Variants in EVI5 observed in about 807,000 individuals in gnomAD.
EVI5 encodes the protein ecotropic viral integration site 5 protein homolog.
In EVI5, 73 loss-of-function variants were observed where a neutral mutation model predicts 112.0. That is an observed-to-expected ratio of 0.65 (90% CI 0.54 to 0.79). The LOEUF (loss-of-function observed/expected upper bound fraction) is 0.79. Among genes scored for constraint, EVI5 ranks in the 30% least tolerant of loss-of-function variants. EVI5 has a pLI of 0.00. For missense variants in EVI5, 900 were observed against 968.8 expected (o/e 0.93, Z 0.94); for synonymous variants, 305 against 319.9 (o/e 0.95, Z 0.50).
At chr1:92,646,431 A>C (rs1660976928) in intron 13 of EVI5, among the ~76,000 whole-genome samples, 1 of 152,198 alleles carries the variant, frequency 6.6e-6, no homozygotes, top group Non-Finnish European at 1.5e-5. Flanking sequence ...GTCCACAGCT[A>C]AGAATGGTAG....
chr1:92,658,492 A>C (rs1364784236), intron 13 of EVI5, among the ~76,000 whole-genome samples: 4 of 152,194 alleles, frequency 2.6e-5, no homozygotes, highest in Non-Finnish European at 5.9e-5. Context: ...AGCTACAAAA[A>C]AATTTAAATA....
rs539670738 is a variant in EVI5, at chr1:92,670,574, G to C, written c.1159-4582C>G. On this transcript the variant is annotated intron_variant, in intron 10 of 19. Coordinates refer to ENST00000684568, the MANE Select transcript of EVI5 (RefSeq NM_001350197.2). ...CTGACAATTTTGAGTCTGTACCTAT[G>C]CCAGTAAATATGACTGAACAAAAAC... Among the ~76,000 whole-genome samples the C allele has an allele frequency of 1.3e-3, 201 of 152,216 alleles. 1 individual carries two copies. Among genetic ancestry groups the C allele is most frequent in the African/African-American group, 4.5e-3 (188 of 41,524 alleles).
intron 16 of EVI5, among the ~76,000 whole-genome samples, chr1:92,623,221 G>A (rs548891112): frequency 6.6e-6 from 1 of 151,940 alleles, no homozygotes; most frequent in Non-Finnish European, 1.5e-5. Context: ...ATAACGTGTG[G>A]AAAGTATTTT....
chr1:92,758,172 T>C (rs556389303), intron 1 of EVI5, among the ~76,000 whole-genome samples: 9 of 152,330 alleles, frequency 5.9e-5, no homozygotes, highest in Middle Eastern at 3.4e-3. Flanking sequence ...AGTGAGAATG[T>C]AGCAAGTGAA....
At chr1:92,779,201 A>C (rs1270639024) in intron 1 of EVI5, among the ~76,000 whole-genome samples, 1 of 152,154 alleles carries the variant, frequency 6.6e-6, no homozygotes, top group Non-Finnish European at 1.5e-5. Flanking sequence ...ATAGGAAAAA[A>C]AGTAACTTGG....
intron 2 of EVI5, among the ~76,000 whole-genome samples, chr1:92,730,107 G>A (rs1457874891): frequency 1.3e-5 from 2 of 152,112 alleles, no homozygotes; most frequent in African/African-American, 4.8e-5. Flanking sequence ...AGCTAATGCC[G>A]GTAATGCCAG....
At chr1:92,680,911 A>C (rs1287884747) in intron 9 of EVI5, among the ~76,000 whole-genome samples, 2 of 152,160 alleles carry the variant, frequency 1.3e-5, no homozygotes, top group East Asian at 3.8e-4. Context: ...GACTGAGGAA[A>C]TATGTCAGAT....
chr1:92,549,871 A>G (rs1666486078), intron 19 of EVI5, among the ~76,000 whole-genome samples: 1 of 152,216 alleles, frequency 6.6e-6, no homozygotes, highest in Non-Finnish European at 1.5e-5. Flanking sequence ...GAGGATGTGG[A>G]GAAATAGGAA....
intron 1 of EVI5, among the ~76,000 whole-genome samples, chr1:92,760,629 G>T (rs895410563): frequency 4.6e-5 from 7 of 151,616 alleles, no homozygotes; most frequent in African/African-American, 1.7e-4. Flanking sequence ...AGCTTCTTGA[G>T]ACGCTAAGGC....
chr1:92,554,828 C>A (rs1044000876), intron 19 of EVI5, among the ~76,000 whole-genome samples: 1 of 150,834 alleles, frequency 6.6e-6, no homozygotes, highest in African/African-American at 2.4e-5. Flanking sequence ...AAAAACAAAC[C>A]AACCAACCCA....
chr1:92,734,041 C>T (rs757383771), intron 2 of EVI5, among the ~76,000 whole-genome samples: 7 of 152,198 alleles, frequency 4.6e-5, no homozygotes, highest in African/African-American at 1.2e-4. Flanking sequence ...TATATGGCCA[C>T]GCCTAGCATC....
At chr1:92,589,865 C>A in intron 18 of EVI5, among the ~76,000 whole-genome samples, 1 of 152,074 alleles carries the variant, frequency 6.6e-6, no homozygotes, top group South Asian at 2.1e-4. Context: ...AGGCACCCCC[C>A]CGTATGGGCA....
chr1:92,600,279 G>A (rs974499069), intron 18 of EVI5, among the ~76,000 whole-genome samples: 1 of 152,148 alleles, frequency 6.6e-6, no homozygotes, highest in Non-Finnish European at 1.5e-5. Context: ...AAGAGTGATT[G>A]TCATAAAAGT....
intron 18 of EVI5, among the ~76,000 whole-genome samples, chr1:92,575,679 C>T (rs141001304): frequency 7.3e-5 from 11 of 150,974 alleles, no homozygotes; most frequent in African/African-American, 2.7e-4. Context: ...AAGCGATTCT[C>T]ATGCCTCCCG....
intron 13 of EVI5, among the ~76,000 whole-genome samples, chr1:92,655,660 C>T (rs1365935783): frequency 6.6e-6 from 1 of 152,004 alleles, no homozygotes; most frequent in East Asian, 1.9e-4. Context: ...AAACCAAAAG[C>T]AGGCAGGAGT....
chr1:92,607,462 T>C, intron 17 of EVI5, 119 bp downstream of exon 17: 2 of 703,232 alleles, frequency 2.8e-6, no homozygotes, highest in Non-Finnish European at 2.1e-6. Context: ...TCAGGAAAAG[T>C]AGAAAATAGG....
intron 19 of EVI5, among the ~76,000 whole-genome samples, chr1:92,523,263 C>T (rs1193190959): frequency 6.6e-6 from 1 of 152,006 alleles, no homozygotes; most frequent in Non-Finnish European, 1.5e-5. Context: ...GTTGTCATCA[C>T]CTAGCTCTAA....
At chr1:92,725,288 T>G (rs1244640194) in intron 2 of EVI5, among the ~76,000 whole-genome samples, 1 of 152,110 alleles carries the variant, frequency 6.6e-6, no homozygotes, top group East Asian at 1.9e-4. Context: ...CCAGCCAGAC[T>G]GGAAAAGTTA....
chr1:92,772,788 C>A (rs1683597006), intron 1 of EVI5, among the ~76,000 whole-genome samples: 1 of 151,858 alleles, frequency 6.6e-6, no homozygotes, highest in Non-Finnish European at 1.5e-5. Flanking sequence ...CACCTGTAAT[C>A]CCAGCTACTC....
Sources: gnomAD v4.1 joint callset for allele counts (sites outside exome capture counted in the v4.1 genomes callset) on GRCh38, gnomAD v4.1.1 for gene constraint, MANE v1.5 for transcripts, NCBI Gene and HGNC (gene_info 2026-07-23, HGNC 2026-07-21) for gene names.